Variants in LDB1 observed in about 807,000 individuals in gnomAD.
LDB1 encodes LIM domain binding 1.
LDB1 carries 6 observed loss-of-function variants against 49.7 expected under a neutral mutation model. That is an observed-to-expected ratio of 0.12 (90% confidence interval 0.07 to 0.24). The LOEUF (loss-of-function observed/expected upper bound fraction) is 0.24. LDB1 is among the 10% of genes least tolerant of loss of function. The pLI is 1.00. For synonymous variants in LDB1, 233 were observed against 202.0 expected (o/e 1.15, Z -1.30); for missense variants, 341 against 561.7 (o/e 0.61, Z 3.97).
At chr10:102,108,387 A>T in intron 10 of LDB1, 64 bp from the exon 11 acceptor site, 1 of 1,329,584 alleles carries the variant, frequency 7.5e-7, no homozygotes, top group Non-Finnish European at 1.1e-6. Flanking sequence ...AGGGCGGCAG[A>T]TACCCCCAGA....
At chr10:102,113,958 GGAGT>G (rs2068294043) in intron 1 of LDB1, among the ~76,000 whole-genome samples, 1 of 152,164 alleles carries the variant, frequency 6.6e-6, no homozygotes, top group African/African-American at 2.4e-5. Flanking sequence ...CAAGGGCTTG[GGAGT>G]GAGTAGAGAA....
rs1049969495 is a variant in LDB1, at chr10:102,117,210, A to G, written c.25+2876T>C. 2.0e-5 allele frequency among the ~76,000 whole-genome samples: 3 copies of G among 152,170 alleles called. No homozygotes were observed. The highest frequency in any genetic ancestry group is 6.5e-5 in the Admixed American group (1 of 15,280). On this transcript the variant is annotated intron_variant, in intron 1 of 10. Coordinates refer to ENST00000673968, the MANE Select transcript of LDB1 (RefSeq NM_001113407.3). The surrounding 1 kb of genome is among the most constrained non-coding windows in gnomAD (Gnocchi z 4.2). ...GTCTCCTCAGACAGGAGGGACTACAAGGGCCCTCCAGTCTCGCTGTGGGGT... is the reference window on the plus strand; with the variant it reads ...GTCTCCTCAGACAGGAGGGACTACAGGGGCCCTCCAGTCTCGCTGTGGGGT...
chr10:102,120,372 CGTGTGTGCGT>C, upstream of LDB1: 3 of 983,982 alleles, frequency 3.0e-6, no homozygotes, highest in African/African-American at 1.8e-5. Context: ...AGTGTGTGTC[CGTGTGTGCGT>C]GTGTGCGCGT....
At chr10:102,105,942 C>T (rs1398956896), downstream of LDB1, among the ~76,000 whole-genome samples, 1 of 152,108 alleles carries the variant, frequency 6.6e-6, no homozygotes, top group African/African-American at 2.4e-5. Context: ...ATGCCACTGC[C>T]CTCCAGCCTG....
chr10:102,111,200 C>T (rs947256364), intron 3 of LDB1, 56 bp from the exon 4 acceptor site: 2 of 1,611,698 alleles, frequency 1.2e-6, no homozygotes, highest in African/African-American at 2.7e-5. Flanking sequence ...CCTCCACCCC[C>T]TACCTCGGCC....
At chr10:102,114,971 C>T (rs1362415727) in intron 1 of LDB1, 1 of 435,730 alleles carries the variant, frequency 2.3e-6, no homozygotes. Context: ...TCCCTCCCTC[C>T]CCGCTCGCTC....
chr10:102,110,142 A>G (rs1432950429), intron 6 of LDB1, 99 bp from the exon 7 acceptor site: 1 of 1,358,478 alleles, frequency 7.4e-7, no homozygotes, highest in Non-Finnish European at 1.0e-6. Context: ...CTCCCATTGC[A>G]TACACTTTTG....
intron 1 of LDB1, among the ~76,000 whole-genome samples, chr10:102,113,129 A>G (rs1329637943): frequency 6.6e-6 from 1 of 152,208 alleles, no homozygotes; most frequent in Non-Finnish European, 1.5e-5. Context: ...TTTGGGGGGA[A>G]GAGACAAAAG....
chr10:102,111,183 C>G (rs997976579), intron 3 of LDB1, 39 bp from the exon 4 acceptor site: 9 of 1,609,542 alleles, frequency 5.6e-6, no homozygotes, highest in South Asian at 1.1e-5. Flanking sequence ...AGGAGCGGAG[C>G]CTGCCCCCTC....
rs558516308 is a variant in LDB1, at chr10:102,106,541, CAAAAAAAAAAAAAAAAAAAAAAA to C, written c.*1529_*1551del. ...GGTACCATACATGACTCAAATGGCC[CAAAAAAAAAAAAAAAAAAAAAAA>C]AAAAAAAAAAAAAAAAAAAAGGCAT... On this transcript the variant is annotated 3_prime_UTR_variant, in exon 11 of 11. Transcript: ENST00000673968. Among the ~76,000 whole-genome samples the C allele has an allele frequency of 0.031, 544 of 17,788 alleles. 6 individuals are homozygous for C. The highest frequency in any genetic ancestry group is 0.077 in the South Asian group (38 of 492). The allele number at this position is 17,788 out of a possible 152,430, so 11.7% of individuals were successfully genotyped here.
downstream of LDB1, among the ~76,000 whole-genome samples, chr10:102,104,627 TC>T (rs1242651732): frequency 6.6e-6 from 1 of 152,128 alleles, no homozygotes; most frequent in African/African-American, 2.4e-5. Flanking sequence ...TTTCCTGAGT[TC>T]AATAGTGTGT....
chr10:102,106,420 T>C (rs368771291), downstream of LDB1, among the ~76,000 whole-genome samples: 7 of 151,112 alleles, frequency 4.6e-5, no homozygotes, highest in African/African-American at 1.7e-4. Flanking sequence ...TCTTAGGAAC[T>C]GCAAGGATGG....
chr10:102,121,274 C>T (rs1228997699), upstream of LDB1, among the ~76,000 whole-genome samples: 1 of 152,074 alleles, frequency 6.6e-6, no homozygotes, highest in African/African-American at 2.4e-5. Context: ...GCCTTGGTGC[C>T]TTCACCTCCG....
At chr10:102,111,588 A>G (rs1343500375) in intron 1 of LDB1, 52 bp from the exon 2 acceptor site, 1 of 1,107,548 alleles carries the variant, frequency 9.0e-7, no homozygotes, top group Non-Finnish European at 1.3e-6. Flanking sequence ...CACATCTGTA[A>G]TCTAGCACTT....
intron 6 of LDB1, 98 bp downstream of exon 6, chr10:102,110,431 T>G: frequency 7.8e-7 from 1 of 1,274,210 alleles, no homozygotes; most frequent in African/African-American, 1.5e-5. Context: ...CAGTTCACAT[T>G]ATGCCTCCCT....
intron 10 of LDB1, 58 bp downstream of exon 10, chr10:102,108,971 G>A (rs1188078298): frequency 1.1e-5 from 18 of 1,609,882 alleles, no homozygotes; most frequent in Non-Finnish European, 1.4e-5. Context: ...GGCTTGGAAA[G>A]GGGTCAGGGG....
rs1411383662 is a variant in LDB1 at position 102,111,455 on chromosome 10, G to A, written c.107C>T (p.Thr36Ile). ...GNAFPPFHPG[T>I]MLDRDVGPTP... ...TTACCCCACATCCCTATCCAGCATG[G>A]TGCCGGGATGGAAGGGGGGAAAGGC... Residue 36 changes from threonine (T) to isoleucine (I), a missense_variant, in exon 2 of 11, where the codon ACC (threonine) becomes ATC (isoleucine). Thr to Ile is a moderately conservative substitution (Grantham distance 89). This residue lies in a region of LDB1 where 48 missense variants were observed against 43.9 expected (regional missense o/e 1.09). Transcript: ENST00000673968. 6.4e-7 allele frequency: 1 copy of A among 1,572,474 alleles called. No individual in the cohort carries two copies. Among genetic ancestry groups the A allele is most frequent in the Non-Finnish European group, 8.6e-7 (1 of 1,157,302 alleles).
downstream of LDB1, among the ~76,000 whole-genome samples, chr10:102,103,887 C>A (rs558040408): frequency 8.3e-4 from 126 of 152,024 alleles, no homozygotes; most frequent in South Asian, 6.6e-3. Flanking sequence ...TATGGTAAAA[C>A]CACGTCGCTA....
chr10:102,110,377 T>A (rs1035810123), intron 6 of LDB1, 152 bp downstream of exon 6: 38 of 759,328 alleles, frequency 5.0e-5, no homozygotes, highest in Admixed American at 2.0e-4. Flanking sequence ...ACAATACATG[T>A]TTGCTGACGG....
Sources: gnomAD v4.1 joint callset for allele counts (sites outside exome capture counted in the v4.1 genomes callset) on GRCh38, gnomAD v4.1.1 for gene constraint, gnomAD v4.1.1 regional missense constraint, Gnocchi (gnomAD v3.1) non-coding constraint, MANE v1.5 for transcripts, NCBI Gene and HGNC (gene_info 2026-07-23, HGNC 2026-07-21) for gene names.